NELL2: variants seen among roughly 807,000 people sequenced by gnomAD.
The protein encoded by NELL2 is protein kinase C-binding protein NELL2.
A neutral mutation model predicts 109.6 loss-of-function variants in NELL2; 41 were observed. That is an observed-to-expected ratio of 0.37 (90% CI 0.29 to 0.49). The LOEUF (loss-of-function observed/expected upper bound fraction) is 0.49. NELL2 is among the 20% of genes least tolerant of loss of function. The probability of loss-of-function intolerance (pLI) is 0.98; values close to 1 mark genes in which losing one functional copy is unlikely to be tolerated. For missense variants in NELL2, 900 were observed against 1,008.3 expected (o/e 0.89, Z 1.45); for synonymous variants, 355 against 344.7 (o/e 1.03, Z -0.33).
rs143236607 is a variant in NELL2 at position 44,824,658 on chromosome 12, GTTAT to G, written c.185-8526_185-8523del. The stretch of plus-strand genomic sequence containing the variant: ...ATGCTGTTTTCTACAGTTTTGTAGT[GTTAT>G]TTATTTATTTATTTATTTATTTATT... On this transcript the variant is annotated intron_variant, in intron 2 of 19. Coordinates refer to ENST00000429094, the MANE Select transcript of NELL2 (RefSeq NM_001145108.2). 7.1e-3 allele frequency among the ~76,000 whole-genome samples: 1,005 copies of G among 140,606 alleles called. 12 individuals carry two copies. The highest frequency in any genetic ancestry group is 0.025 in the African/African-American group (936 of 38,088). The allele number at this position is 140,606 out of a possible 152,430, so 92.2% of individuals were successfully genotyped here.
chr12:44,633,743 C>T lies in NELL2; in HGVS notation c.1445-22773G>A, dbSNP rs371396348. ...TTCTTACCCACCCCTAATATGATAACACATTGTTAAGTACTTGACCAAATC... is the reference window on the plus strand; with the variant it reads ...TTCTTACCCACCCCTAATATGATAATACATTGTTAAGTACTTGACCAAATC... On this transcript the variant is annotated intron_variant, in intron 13 of 19. Coordinates refer to ENST00000429094, the MANE Select transcript of NELL2 (RefSeq NM_001145108.2). 1.2e-4 allele frequency among the ~76,000 whole-genome samples: 19 copies of T among 152,254 alleles called. No individual in the cohort carries two copies. In the East Asian group the frequency reaches 1.9e-3, roughly 15 times the overall value.
At chr12:44,829,455 C>A (rs1943817746) in intron 2 of NELL2, among the ~76,000 whole-genome samples, 1 of 152,134 alleles carries the variant, frequency 6.6e-6, no homozygotes, top group Non-Finnish European at 1.5e-5. Flanking sequence ...CAGCTAATAT[C>A]ATTAACCCAT....
intron 1 of NELL2, among the ~76,000 whole-genome samples, chr12:44,900,442 C>T (rs1046641579): frequency 6.6e-6 from 1 of 152,176 alleles, no homozygotes; most frequent in African/African-American, 2.4e-5. Flanking sequence ...GAAATTAGAA[C>T]TCAGGAGTAA....
chr12:44,855,819 T>C (rs923323849), intron 2 of NELL2, among the ~76,000 whole-genome samples: 1 of 152,194 alleles, frequency 6.6e-6, no homozygotes, highest in Admixed American at 6.5e-5. Context: ...CACTTCATCA[T>C]AGGCTGGAGA....
chr12:44,680,420 T>A (rs914984565), intron 12 of NELL2, among the ~76,000 whole-genome samples: 7 of 152,180 alleles, frequency 4.6e-5, no homozygotes, highest in Admixed American at 3.3e-4. Flanking sequence ...AACAATTTTT[T>A]AAAAATCTAT....
At chr12:44,810,881 T>G (rs1718347623) in intron 3 of NELL2, among the ~76,000 whole-genome samples, 1 of 152,146 alleles carries the variant, frequency 6.6e-6, no homozygotes, top group Non-Finnish European at 1.5e-5. Context: ...AAAAGTTAAA[T>G]TATGTATTTG....
At chr12:44,783,469 C>T (rs143110634) in intron 3 of NELL2, among the ~76,000 whole-genome samples, 293 of 151,180 alleles carry the variant, frequency 1.9e-3, no homozygotes, top group Non-Finnish European at 3.8e-3. Context: ...AATGAACTAA[C>T]GAAGAAAAAA....
intron 3 of NELL2, among the ~76,000 whole-genome samples, chr12:44,813,907 T>A (rs1423726893): frequency 6.6e-6 from 1 of 152,248 alleles, no homozygotes; most frequent in Admixed American, 6.5e-5. Flanking sequence ...GCAAACCACC[T>A]GATGAAGGTC....
chr12:44,602,957 C>T (rs1424537088), intron 15 of NELL2, among the ~76,000 whole-genome samples: 12 of 151,998 alleles, frequency 7.9e-5, no homozygotes, highest in Admixed American at 5.2e-4. Context: ...ATTATCCATA[C>T]TATAACAGTA....
At chr12:44,644,608 G>GTGTATATATATA (rs1461808442) in intron 13 of NELL2, among the ~76,000 whole-genome samples, 12 of 90,826 alleles carry the variant, frequency 1.3e-4, no homozygotes, top group South Asian at 1.1e-3. Context: ...ATATATGTAT[G>GTGTATATATATA]TATATATATA....
At chr12:44,658,877 C>CAAAAAAAAAAA (rs58696965) in intron 13 of NELL2, among the ~76,000 whole-genome samples, 147 of 69,214 alleles carry the variant, frequency 2.1e-3, no homozygotes, top group Middle Eastern at 9.8e-3. Context: ...ACTCTGTCTC[C>CAAAAAAAAAAA]AAAAAAAAAA....
At chr12:44,822,507 T>C (rs1566473904) in intron 2 of NELL2, among the ~76,000 whole-genome samples, 1 of 152,132 alleles carries the variant, frequency 6.6e-6, no homozygotes, top group Non-Finnish European at 1.5e-5. Flanking sequence ...CAAAAATCAA[T>C]GTAAAGTGAG....
chr12:44,547,589 C>A (rs962580194), intron 15 of NELL2, among the ~76,000 whole-genome samples: 1 of 152,056 alleles, frequency 6.6e-6, no homozygotes, highest in Non-Finnish European at 1.5e-5. Context: ...TCCATATATG[C>A]ATTGCTTTTT....
rs1379265242 is a variant in NELL2, at chr12:44,908,545, CA to C, written c.38+5253del. ...GAGGAAGAATGGAAGACAATACCAC[CA>C]AAGGAAAGAAGGTCAAGGAATCAAG... On this transcript the variant is annotated intron_variant, in intron 1 of 20. Coordinates refer to the NELL2 transcript ENST00000333837. 5.9e-5 allele frequency among the ~76,000 whole-genome samples: 9 copies of C among 151,722 alleles called. 1 individual carries two copies. Among genetic ancestry groups the C allele is most frequent in the Admixed American group, 5.3e-4 (8 of 15,210 alleles).
intron 13 of NELL2, among the ~76,000 whole-genome samples, chr12:44,636,448 A>T (rs1325206049): frequency 1.3e-5 from 2 of 152,112 alleles, no homozygotes; most frequent in Non-Finnish European, 2.9e-5. Flanking sequence ...TTATTTTGAG[A>T]TATGTTTCAT....
chr12:44,854,660 ATGGATGGATGGATGGATGGATGGG>A (rs1487482965), intron 2 of NELL2, among the ~76,000 whole-genome samples: 92 of 30,444 alleles, frequency 3.0e-3, no homozygotes, highest in African/African-American at 5.5e-3. Context: ...GGATGGATGG[ATGGATGGATGGATGGATGGATGGG>A]TGGATGGATG....
chr12:44,700,631 G>A (rs912628633), intron 12 of NELL2, among the ~76,000 whole-genome samples: 15 of 151,876 alleles, frequency 9.9e-5, no homozygotes, highest in Non-Finnish European at 1.5e-5. Context: ...TCAGATTCCA[G>A]AATAAAACTC....
chr12:44,670,171 A>C (rs1484893307), intron 12 of NELL2, among the ~76,000 whole-genome samples: 1 of 152,206 alleles, frequency 6.6e-6, no homozygotes, highest in Non-Finnish European at 1.5e-5. Flanking sequence ...AGGGTAAAGA[A>C]ATTCTTTCTC....
At position 44,538,762 on chromosome 12, in the gene NELL2, A is replaced by G. The variant is rs78166914; in HGVS notation, c.1664-6041T>C. Among the ~76,000 whole-genome samples the G allele has an allele frequency of 5.6e-3, 852 of 152,320 alleles. 15 individuals carry two copies. The highest frequency in any genetic ancestry group is 0.02 in the African/African-American group (826 of 41,578). On this transcript the variant is annotated intron_variant, in intron 15 of 19. Coordinates refer to ENST00000429094, the MANE Select transcript of NELL2 (RefSeq NM_001145108.2). ...TTTCTTAAATGCTTATCTTTGGTCA[A>G]TGTACAACTCCCTCTCATGTCCCCT...
Sources: gnomAD v4.1 joint callset for allele counts (sites outside exome capture counted in the v4.1 genomes callset) on GRCh38, gnomAD v4.1.1 for gene constraint, MANE v1.5 for transcripts, NCBI Gene and HGNC (gene_info 2026-07-23, HGNC 2026-07-21) for gene names.